PELI2: variants seen among roughly 807,000 people sequenced by gnomAD.
PELI2 encodes pellino E3 ubiquitin protein ligase family member 2, also known as E3 ubiquitin-protein ligase pellino homolog 2.
A neutral mutation model predicts 42.3 loss-of-function variants in PELI2; 23 were observed. The ratio of observed to expected loss-of-function variants is 0.54; its 90% confidence interval spans 0.39 to 0.77. The LOEUF is 0.77. PELI2 is among the 30% of genes least tolerant of loss of function. The probability of loss-of-function intolerance (pLI) is 0.00; values close to 1 mark genes in which losing one functional copy is unlikely to be tolerated. For missense variants in PELI2, 463 were observed against 553.2 expected (o/e 0.84, Z 1.64); for synonymous variants, 245 against 212.2 (o/e 1.15, Z -1.34).
chr14:56,234,586 C>T (rs1887714881), intron 2 of PELI2, among the ~76,000 whole-genome samples: 1 of 152,094 alleles, frequency 6.6e-6, no homozygotes, highest in Admixed American at 6.5e-5. Context: ...GAACATCGCA[C>T]ACCAGGGCCT....
chr14:56,228,042 G>A (rs1336957340), intron 2 of PELI2, among the ~76,000 whole-genome samples: 3 of 152,236 alleles, frequency 2.0e-5, no homozygotes, highest in Admixed American at 6.5e-5. Flanking sequence ...CGAAAATAAT[G>A]TATCACTCCT....
intron 1 of PELI2, among the ~76,000 whole-genome samples, chr14:56,140,660 A>C (rs1354624328): frequency 2.0e-5 from 3 of 152,254 alleles, no homozygotes; most frequent in Non-Finnish European, 4.4e-5. Flanking sequence ...GAATAACGGC[A>C]GGGAAGAAGA....
At chr14:56,185,720 T>C (rs12323458) in intron 2 of PELI2, among the ~76,000 whole-genome samples, 21 of 152,324 alleles carry the variant, frequency 1.4e-4, no homozygotes, top group African/African-American at 5.1e-4. Context: ...TTTTTGTTTT[T>C]CTGTAATCTT....
At chr14:56,264,060 G>C (rs545888926) in intron 2 of PELI2, among the ~76,000 whole-genome samples, 31 of 152,268 alleles carry the variant, frequency 2.0e-4, no homozygotes, top group African/African-American at 7.0e-4. Context: ...TTAATACTCA[G>C]GGTCCTTTTG....
intron 1 of PELI2, among the ~76,000 whole-genome samples, chr14:56,156,615 TGC>T (rs1231547796): frequency 6.6e-6 from 1 of 152,228 alleles, no homozygotes; most frequent in Non-Finnish European, 1.5e-5. Flanking sequence ...TGTAACTTTC[TGC>T]AATGTTGGAA....
intron 1 of PELI2, among the ~76,000 whole-genome samples, chr14:56,140,183 A>G (rs1883852286): frequency 6.6e-6 from 1 of 152,146 alleles, no homozygotes; most frequent in Non-Finnish European, 1.5e-5. Flanking sequence ...TGAAAGGTTT[A>G]TAATTTTACA....
At chr14:56,119,705 G>C (rs756024993) in intron 1 of PELI2, 14 of 910,650 alleles carry the variant, frequency 1.5e-5, no homozygotes, top group Non-Finnish European at 1.8e-5. Flanking sequence ...AAAGGGGAGG[G>C]GGAAGGGGGA....
chr14:56,145,018 T>A, intron 1 of PELI2: 3 of 960,800 alleles, frequency 3.1e-6, no homozygotes, highest in Non-Finnish European at 3.7e-6. Flanking sequence ...TTAGGTTAAG[T>A]CCTGGCTTCT....
rs143674595 is a variant in PELI2, at chr14:56,119,366, C to G, written c.77+629C>G. On this transcript the variant is annotated intron_variant, in intron 1 of 5. Coordinates refer to ENST00000267460, the MANE Select transcript of PELI2 (RefSeq NM_021255.3). ...TGTGTGTGACCCGGGCCGGCCGGCC[C>G]TCCGCTTCTCCCCGCTTGGAGTGCT... 4.4e-3 allele frequency among the ~76,000 whole-genome samples: 670 copies of G among 152,166 alleles called. 5 individuals carry two copies. Among genetic ancestry groups the G allele is most frequent in the African/African-American group, 0.016 (647 of 41,524 alleles).
intron 1 of PELI2, among the ~76,000 whole-genome samples, chr14:56,151,170 C>G (rs1884337500): frequency 1.3e-5 from 2 of 152,228 alleles, no homozygotes; most frequent in Admixed American, 1.3e-4. Flanking sequence ...TTTGCAGCAT[C>G]TTTGGTGACT....
At chr14:56,187,427 A>G (rs927046896) in intron 2 of PELI2, among the ~76,000 whole-genome samples, 1 of 152,206 alleles carries the variant, frequency 6.6e-6, no homozygotes, top group Non-Finnish European at 1.5e-5. Flanking sequence ...TACAAAAGCA[A>G]AAATAATGGA....
chr14:56,157,171 TGTAACACTGGA>T (rs1840237135), intron 1 of PELI2, among the ~76,000 whole-genome samples: 1 of 152,230 alleles, frequency 6.6e-6, no homozygotes, highest in South Asian at 2.1e-4. Context: ...AATATACTTT[TGTAACACTGGA>T]GAGTTGGTTG....
intron 2 of PELI2, among the ~76,000 whole-genome samples, chr14:56,242,734 A>G (rs1307855056): frequency 2.0e-5 from 3 of 152,230 alleles, no homozygotes; most frequent in Non-Finnish European, 4.4e-5. Flanking sequence ...CCATTATTCT[A>G]AGTGAAGTAA....
intron 2 of PELI2, among the ~76,000 whole-genome samples, chr14:56,254,592 A>G (rs930097897): frequency 6.6e-6 from 1 of 152,210 alleles, no homozygotes; most frequent in African/African-American, 2.4e-5. Context: ...CAAAGACTTC[A>G]TGACTAAAAC....
chr14:56,208,731 T>C (rs1555347646), intron 2 of PELI2, among the ~76,000 whole-genome samples: 1 of 152,246 alleles, frequency 6.6e-6, no homozygotes, highest in Non-Finnish European at 1.5e-5. Context: ...AGAACTTTTG[T>C]CACATACCAA....
rs939441787 is a variant in PELI2 at position 56,299,935 on chromosome 14, T to C, written c.*2769T>C. 6.6e-6 allele frequency: 1 copy of C among 152,586 alleles called. No individual in the cohort carries two copies. The highest frequency in any genetic ancestry group is 2.4e-5 in the African/African-American group (1 of 41,432). 9.5% of individuals were successfully genotyped at this position (152,586 alleles called of 1,614,324 possible). A position where few individuals can be genotyped will look rare whatever the true frequency, so the allele number is the denominator to read the frequency against. On this transcript the variant is annotated 3_prime_UTR_variant, in exon 6 of 6. Transcript: ENST00000267460. ...AGATTCAGAGTGGATGGAGTACAAC[T>C]CTGAGTATTTTTCTAGTCCGGAATT...
intron 1 of PELI2, among the ~76,000 whole-genome samples, chr14:56,149,791 A>G (rs1468766429): frequency 2.0e-5 from 3 of 152,226 alleles, no homozygotes; most frequent in Non-Finnish European, 4.4e-5. Context: ...TTCTTGATCT[A>G]AAAGCTCAAG....
At chr14:56,294,700 A>T (rs1889941889) in intron 5 of PELI2, among the ~76,000 whole-genome samples, 1 of 152,140 alleles carries the variant, frequency 6.6e-6, no homozygotes, top group African/African-American at 2.4e-5. Flanking sequence ...ATAACATCCC[A>T]GATATGTTTC....
intron 2 of PELI2, among the ~76,000 whole-genome samples, chr14:56,267,314 C>T (rs576544190): frequency 2.6e-5 from 4 of 152,130 alleles, no homozygotes; most frequent in South Asian, 2.1e-4. Flanking sequence ...GTTTTTGCAG[C>T]GAAACCCTTC....
Sources: gnomAD v4.1 joint callset for allele counts (sites outside exome capture counted in the v4.1 genomes callset) on GRCh38, gnomAD v4.1.1 for gene constraint, MANE v1.5 for transcripts, NCBI Gene and HGNC (gene_info 2026-07-23, HGNC 2026-07-21) for gene names.